Variants in GALNTL6 observed in about 807,000 individuals in gnomAD.
The protein encoded by GALNTL6 is polypeptide N-acetylgalactosaminyltransferase like 6.
GALNTL6 carries 46 observed loss-of-function variants against 73.7 expected under a neutral mutation model. The observed-to-expected ratio is 0.62, with a 90% confidence interval of 0.49 to 0.80. The LOEUF (loss-of-function observed/expected upper bound fraction) is 0.80, where lower values mean the gene tolerates loss of function less well. GALNTL6 is among the 30% of genes least tolerant of loss of function. The pLI is 0.00. For synonymous variants in GALNTL6, 259 were observed against 263.7 expected (o/e 0.98, Z 0.17); for missense variants, 604 against 755.0 (o/e 0.80, Z 2.34).
At chr4:172,783,636 T>C (rs942014055) in intron 5 of GALNTL6, among the ~76,000 whole-genome samples, 4 of 151,726 alleles carry the variant, frequency 2.6e-5, no homozygotes, top group African/African-American at 9.7e-5. Context: ...AAGCCAGAAG[T>C]TAATGAGTCT....
chr4:171,989,281 G>A (rs1190371829), intron 2 of GALNTL6, among the ~76,000 whole-genome samples: 3 of 152,178 alleles, frequency 2.0e-5, no homozygotes, highest in Non-Finnish European at 4.4e-5. Context: ...AGGCGATCCG[G>A]CAGTGTCAGT....
At chr4:172,440,972 G>C (rs1731816786) in intron 5 of GALNTL6, among the ~76,000 whole-genome samples, 1 of 151,974 alleles carries the variant, frequency 6.6e-6, no homozygotes, top group Non-Finnish European at 1.5e-5. Context: ...AATAGTTGTA[G>C]AGTGTTGAGT....
intron 10 of GALNTL6, among the ~76,000 whole-genome samples, chr4:172,993,779 G>A (rs1041633760): frequency 2.0e-5 from 3 of 151,924 alleles, no homozygotes; most frequent in African/African-American, 7.3e-5. Flanking sequence ...TGGCTTTTCC[G>A]GGCATGGTGG....
At chr4:172,985,199 C>G (rs938645239) in intron 10 of GALNTL6, among the ~76,000 whole-genome samples, 2 of 151,912 alleles carry the variant, frequency 1.3e-5, no homozygotes, top group African/African-American at 4.8e-5. Context: ...CAAGTGCCTT[C>G]GACAATATAG....
chr4:172,542,741 G>A (rs115268094), intron 5 of GALNTL6, among the ~76,000 whole-genome samples: 417 of 152,234 alleles, frequency 2.7e-3, no homozygotes, highest in African/African-American at 9.4e-3. Context: ...GTGGGACTTA[G>A]GATTTTGTTT....
At chr4:172,825,699 TCACAAGC>T (rs1304296548) in intron 7 of GALNTL6, among the ~76,000 whole-genome samples, 1 of 151,394 alleles carries the variant, frequency 6.6e-6, no homozygotes, top group Non-Finnish European at 1.5e-5. Flanking sequence ...AATGATTACA[TCACAAGC>T]CACAAAAAAA....
intron 10 of GALNTL6, among the ~76,000 whole-genome samples, chr4:173,005,424 G>A (rs1014549434): frequency 8.5e-5 from 13 of 152,120 alleles, no homozygotes; most frequent in Non-Finnish European, 1.5e-4. Context: ...CGTGTCCTAA[G>A]TTTGGGCCCA....
intron 2 of GALNTL6, among the ~76,000 whole-genome samples, chr4:172,161,763 T>C (rs1734474902): frequency 6.6e-6 from 1 of 151,978 alleles, no homozygotes; most frequent in Admixed American, 6.6e-5. Context: ...AATAGATAAA[T>C]GTGATTGCTT....
intron 7 of GALNTL6, among the ~76,000 whole-genome samples, chr4:172,854,408 A>G (rs1744016762): frequency 6.6e-6 from 1 of 152,234 alleles, no homozygotes; most frequent in Non-Finnish European, 1.5e-5. Flanking sequence ...TATTAAGCAA[A>G]TATAAACCAA....
intron 2 of GALNTL6, among the ~76,000 whole-genome samples, chr4:171,937,418 G>A (rs773465514): frequency 6.6e-5 from 10 of 151,940 alleles, no homozygotes; most frequent in Non-Finnish European, 1.2e-4. Context: ...TTGACTCCAC[G>A]AAACAATAGA....
At chr4:172,370,765 A>G (rs1742777602) in intron 5 of GALNTL6, among the ~76,000 whole-genome samples, 1 of 152,024 alleles carries the variant, frequency 6.6e-6, no homozygotes, top group Admixed American at 6.6e-5. Context: ...CTAAGAAGGT[A>G]CAAAGTCCTC....
chr4:172,912,455 C>T (rs940236933), intron 8 of GALNTL6, among the ~76,000 whole-genome samples: 1 of 152,208 alleles, frequency 6.6e-6, no homozygotes, highest in African/African-American at 2.4e-5. Context: ...TCAGGGAATT[C>T]CCTTTCCTAG....
intron 10 of GALNTL6, among the ~76,000 whole-genome samples, chr4:173,002,750 G>A (rs1227313246): frequency 6.0e-5 from 9 of 149,910 alleles, no homozygotes; most frequent in African/African-American, 2.2e-4. Context: ...AGCCGAGATC[G>A]GGCCACTGCA....
At chr4:172,498,024 C>T (rs1196144088) in intron 5 of GALNTL6, among the ~76,000 whole-genome samples, 2 of 113,542 alleles carry the variant, frequency 1.8e-5, no homozygotes, top group African/African-American at 7.1e-5. Context: ...TGGAGTCTTG[C>T]TCTGTCGCCA....
At chr4:172,946,124 C>CGT (rs71594019) in intron 9 of GALNTL6, among the ~76,000 whole-genome samples, 87,035 of 148,384 alleles carry the variant, frequency 0.59, 26,186 homozygotes, top group East Asian at 0.76. Context: ...GGGGAAAAAG[C>CGT]GTGTGTGTGT....
intron 8 of GALNTL6, among the ~76,000 whole-genome samples, chr4:172,917,959 T>C (rs1282324655): frequency 1.3e-5 from 2 of 152,246 alleles, no homozygotes; most frequent in African/African-American, 4.8e-5. Context: ...CATATGTTTA[T>C]TGTGGCACTA....
intron 3 of GALNTL6, among the ~76,000 whole-genome samples, chr4:172,306,016 A>G (rs1321775870): frequency 6.6e-6 from 1 of 152,180 alleles, no homozygotes; most frequent in Non-Finnish European, 1.5e-5. Context: ...CTCAGCACTA[A>G]AAATATGCGT....
chr4:172,693,723 G>A (rs1396102585), intron 5 of GALNTL6, among the ~76,000 whole-genome samples: 1 of 152,138 alleles, frequency 6.6e-6, no homozygotes, highest in Non-Finnish European at 1.5e-5. Flanking sequence ...GGAAGCTAAG[G>A]ACAGCCACTG....
intron 2 of GALNTL6, among the ~76,000 whole-genome samples, chr4:171,972,644 A>T (rs1260089687): frequency 6.6e-6 from 1 of 152,120 alleles, no homozygotes; most frequent in Non-Finnish European, 1.5e-5. Flanking sequence ...TAGAAAATGT[A>T]TTAGTGGTTT....
Sources: gnomAD v4.1 joint callset for allele counts (sites outside exome capture counted in the v4.1 genomes callset) on GRCh38, gnomAD v4.1.1 for gene constraint, MANE v1.5 for transcripts, NCBI Gene and HGNC (gene_info 2026-07-23, HGNC 2026-07-21) for gene names.